ACCS: variants seen among roughly 807,000 people sequenced by gnomAD.
ACCS encodes 1-aminocyclopropane-1-carboxylate synthase homolog (inactive).
In ACCS, 42 loss-of-function variants were observed where a neutral mutation model predicts 59.8. The observed-to-expected ratio is 0.70, with a 90% confidence interval of 0.55 to 0.91. ACCS has a LOEUF of 0.91. Among genes scored for constraint, ACCS ranks in the 40% least tolerant of loss-of-function variants. The pLI is 0.00. For missense variants in ACCS, 602 were observed against 630.4 expected, an observed-to-expected ratio of 0.95 and a Z score of 0.48; for synonymous variants, 230 against 240.3, an observed-to-expected ratio of 0.96 and a Z score of 0.40.
intron 3 of ACCS, 142 bp downstream of exon 3, chr11:44,071,457 G>A (rs1244670656): frequency 1.2e-6 from 1 of 827,688 alleles, no homozygotes; most frequent in East Asian, 2.6e-5. Flanking sequence ...GCCTACCTTG[G>A]GACAGTTTTC....
chr11:44,073,670 C>T (rs545463252), intron 4 of ACCS, 153 bp downstream of exon 4: 105 of 705,578 alleles, frequency 1.5e-4, no homozygotes, highest in Non-Finnish European at 2.2e-4. Context: ...ATGTACAGGA[C>T]AGCCCCCACA....
chr11:44,077,850 T>G lies in ACCS; in HGVS notation c.660T>G (p.Thr220=). 6.2e-7 allele frequency: 1 copy of G among 1,613,510 alleles called. No individual in the cohort carries two copies. The highest frequency in any genetic ancestry group is 8.5e-7 in the Non-Finnish European group (1 of 1,179,738). ...TCTGATGGGTCTTTTTCCAGGTCAC[T>G]GGGCTAGACACACGCCCCTTCCAGC... is the stretch of plus-strand genomic sequence containing the variant. ...LAYVYLDSEV[T]GLDTRPFQLT... The change falls in exon 8 of 15, where the codon ACT becomes ACG. Residue 220 remains threonine (T), a synonymous_variant. Transcript: ENST00000263776.
At position 44,073,512 on chromosome 11, in the gene ACCS, T is replaced by G; in HGVS notation, c.414T>G (p.His138Gln). 1 of 1,607,798 alleles carries G rather than the reference T, an allele frequency of 6.2e-7. No individual in the cohort carries two copies. Among genetic ancestry groups the G allele is most frequent in the Non-Finnish European group, 8.5e-7 (1 of 1,177,158 alleles). Residue 138 changes from histidine to glutamine, a missense_variant, in exon 4 of 15, where the codon CAT (histidine) becomes CAG (glutamine). His to Gln is a conservative substitution (Grantham distance 24, BLOSUM62 0). Coordinates refer to ENST00000263776, the MANE Select transcript of ACCS (RefSeq NM_032592.4). ...TGCAGTATGCTGACTGGAGGGGACA[T>G]CTGTTGTAAGTAGTTGCCATAGGGT... ...SLLQYADWRG[H>Q]LFLREEVAKF...
chr11:44,078,176 C>T, intron 8 of ACCS: 1 of 503,118 alleles, frequency 2.0e-6, no homozygotes, highest in South Asian at 2.9e-5. Context: ...AAAGATACCC[C>T]CATCCCTGAT....
chr11:44,077,944 T>C, intron 8 of ACCS, 22 bp downstream of exon 8: 3 of 1,611,370 alleles, frequency 1.9e-6, no homozygotes, highest in Non-Finnish European at 2.5e-6. Context: ...AAATCAAACC[T>C]GAGGCTGGGT....
In ACCS at chr11:44,081,288, A is replaced by G. The variant is rs1278136981; in HGVS notation, c.1079A>G (p.Gln360Arg). The change falls in exon 12 of 15, where the codon CAG becomes CGG. Residue 360 changes from glutamine to arginine, a missense_variant. Gln to Arg is a conservative substitution (Grantham distance 43). Transcript: ENST00000263776. ...CRYHGLSGLV[Q>R]YQMAQLLRDR... Reference sequence around the variant, plus strand: ...TACCACGGCCTCAGTGGCTTGGTCCAGTACCAGATGGCACAGCTGCTCCGG... The same window carrying G: ...TACCACGGCCTCAGTGGCTTGGTCCGGTACCAGATGGCACAGCTGCTCCGG... 1.2e-6 allele frequency: 2 copies of G among 1,614,258 alleles called. No individual in the cohort carries two copies. The highest frequency in any genetic ancestry group is 1.6e-4 in the Middle Eastern group (1 of 6,062).
At chr11:44,077,010 A>G (rs1953394886) in intron 6 of ACCS, among the ~76,000 whole-genome samples, 1 of 152,192 alleles carries the variant, frequency 6.6e-6, no homozygotes, top group Non-Finnish European at 1.5e-5. Context: ...TTACTCAATT[A>G]CTTCCCTCCA....
intron 2 of ACCS, among the ~76,000 whole-genome samples, chr11:44,069,926 C>T (rs970928333): frequency 7.9e-5 from 12 of 152,174 alleles, no homozygotes; most frequent in South Asian, 2.1e-4. Context: ...TTACAGGCTG[C>T]GCATCACAGG....
chr11:44,074,462 C>T lies in ACCS; in HGVS notation c.420-150C>T, dbSNP rs1010004404. 21 of 665,716 alleles carry T rather than the reference C, an allele frequency of 3.2e-5. No homozygotes were observed. In the African/African-American group the frequency reaches 3.8e-4, roughly 12 times the overall value. 41.2% of individuals were successfully genotyped at this position (665,716 alleles called of 1,614,324 possible). A position where few individuals can be genotyped will look rare whatever the true frequency, so the allele number is the denominator to read the frequency against. On this transcript the variant is annotated intron_variant, in intron 4 of 14. Coordinates refer to ENST00000263776, the MANE Select transcript of ACCS (RefSeq NM_032592.4). ...GGTACTGGGGAGGGGAAGGTGGGTGCTAAGGAGTGGAGACAGATACACCCA... is the reference window on the plus strand; with the variant it reads ...GGTACTGGGGAGGGGAAGGTGGGTGTTAAGGAGTGGAGACAGATACACCCA...
Position 44,071,408 on chromosome 11 carries a change from A to G in ACCS, c.348+93A>G, listed in dbSNP as rs902734500. On this transcript the variant is annotated intron_variant, in intron 3 of 14. Transcript: ENST00000263776. Reference sequence around the variant, plus strand: ...CCAACAGGAGCCTGCTGCTTGGCTCAGTGGCCCTGGCCTGGGAATCAGGAG... The same window carrying G: ...CCAACAGGAGCCTGCTGCTTGGCTCGGTGGCCCTGGCCTGGGAATCAGGAG... 9.0e-6 allele frequency: 13 copies of G among 1,450,986 alleles called. No homozygotes were observed. The African/African-American group carries it at 1.5e-4, about 17-fold the overall frequency. The allele number at this position is 1,450,986 out of a possible 1,614,324, so 89.9% of individuals were successfully genotyped here.
chr11:44,069,802 A>C (rs547069152), intron 2 of ACCS, among the ~76,000 whole-genome samples: 1 of 152,206 alleles, frequency 6.6e-6, no homozygotes, highest in South Asian at 2.1e-4. Flanking sequence ...AAAGCCACAG[A>C]CTCTTTATAA....
chr11:44,078,027 C>A, intron 8 of ACCS, 105 bp downstream of exon 8: 2 of 1,392,250 alleles, frequency 1.4e-6, no homozygotes, highest in East Asian at 2.5e-5. Context: ...GGTTGATACC[C>A]GGTGATTGGG....
chr11:44,080,626 T>G, intron 10 of ACCS: 3 of 214,752 alleles, frequency 1.4e-5, no homozygotes, highest in Admixed American at 5.2e-5. Context: ...CATCCAGCCA[T>G]TGGATTATGG....
At chr11:44,075,769 G>A in intron 6 of ACCS, 177 bp downstream of exon 6, 1 of 686,496 alleles carries the variant, frequency 1.5e-6, no homozygotes, top group Non-Finnish European at 2.4e-6. Flanking sequence ...AGTTCCAGGG[G>A]AGGTTAGTTT....
chr11:44,078,261 G>A, intron 8 of ACCS: 1 of 336,942 alleles, frequency 3.0e-6, no homozygotes, highest in Non-Finnish European at 5.4e-6. Flanking sequence ...CTGGTAGTTT[G>A]AGGGGGCAAC....
chr11:44,072,885 A>C (rs1489678559), intron 3 of ACCS, among the ~76,000 whole-genome samples: 1 of 152,170 alleles, frequency 6.6e-6, no homozygotes, highest in African/African-American at 2.4e-5. Context: ...TTTTGGCCCC[A>C]GTGCGTAAGG....
At position 44,083,749 on chromosome 11, in the gene ACCS, C is replaced by T. The variant is rs1460364139; in HGVS notation, c.1463C>T (p.Pro488Leu). 1 of 1,613,962 alleles carries T rather than the reference C, an allele frequency of 6.2e-7. No homozygotes were observed. Among genetic ancestry groups the T allele is most frequent in the Admixed American group, 1.7e-5 (1 of 60,030 alleles). Reference protein sequence around the residue: ...LAGKSQVAEDPRPSQSQEPSD... With the variant: ...LAGKSQVAEDLRPSQSQEPSD... ...GGCAAATCCCAAGTGGCAGAAGACC[C>T]CCGTCCCTCTCAGAGCCAGGAGCCA... is the stretch of plus-strand genomic sequence containing the variant. The change falls in exon 15 of 15, where the codon CCC becomes CTC. Residue 488 changes from proline (P) to leucine (L), a missense_variant. Coordinates refer to ENST00000263776, the MANE Select transcript of ACCS (RefSeq NM_032592.4).
Position 44,083,750 on chromosome 11 carries a change from C to T in ACCS, c.1464C>T (p.Pro488=), listed in dbSNP as rs771697743. ...GCAAATCCCAAGTGGCAGAAGACCC[C>T]CGTCCCTCTCAGAGCCAGGAGCCAA... ...LAGKSQVAED[P]RPSQSQEPSD... The change falls in exon 15 of 15, where the codon CCC becomes CCT. Residue 488 remains proline (P), a synonymous_variant. Coordinates refer to ENST00000263776, the MANE Select transcript of ACCS (RefSeq NM_032592.4). 9 of 1,613,956 alleles carry T rather than the reference C, an allele frequency of 5.6e-6. 1 individual carries two copies. Among genetic ancestry groups the T allele is most frequent in the Middle Eastern group, 1.7e-4 (1 of 6,060 alleles).
intron 10 of ACCS, chr11:44,080,720 G>A (rs1269696380): frequency 2.1e-6 from 1 of 467,554 alleles, no homozygotes; most frequent in East Asian, 4.2e-5. Context: ...CCCAGGGGGA[G>A]TGGTTAGGGA....
Sources: allele counts gnomAD v4.1 joint callset (sites outside exome capture counted in the v4.1 genomes callset), GRCh38; gene constraint gnomAD v4.1.1; transcripts MANE v1.5; gene names NCBI Gene and HGNC (gene_info 2026-07-23, HGNC 2026-07-21).